Variants in SGCD observed in about 807,000 individuals in gnomAD.
SGCD encodes the protein sarcoglycan delta, also known as delta-sarcoglycan.
SGCD carries 18 observed loss-of-function variants against 36.6 expected under a neutral mutation model. The observed-to-expected ratio is 0.49, with a 90% CI of 0.34 to 0.73. The LOEUF is 0.73. Among genes scored for constraint, SGCD ranks in the 30% least tolerant of loss-of-function variants. The probability of loss-of-function intolerance (pLI) is 0.01; values close to 1 mark genes in which losing one functional copy is unlikely to be tolerated. For missense variants in SGCD, 387 were observed against 346.7 expected (o/e 1.12, Z -0.92); for synonymous variants, 133 against 130.6 (o/e 1.02, Z -0.12).
intron 3 of SGCD, among the ~76,000 whole-genome samples, chr5:156,216,192 T>A (rs541559022): frequency 6.6e-6 from 1 of 152,266 alleles, no homozygotes; most frequent in South Asian, 2.1e-4. Flanking sequence ...CGAGGAAATG[T>A]TGGTAAACTG....
At chr5:155,783,807 G>A in the SGCD span, among the ~76,000 whole-genome samples, 13 of 152,170 alleles carry the variant, frequency 8.5e-5, no homozygotes, top group African/African-American at 2.9e-4. Context: ...GTGGAAATGA[G>A]TATGTATTTT....
intron 3 of SGCD, chr5:156,393,871 T>A: frequency 2.2e-6 from 1 of 455,776 alleles, no homozygotes; most frequent in Non-Finnish European, 4.4e-6. Context: ...TGCTGGTGAG[T>A]TTTGTACTGT....
chr5:156,563,329 A>C (rs1264341742), intron 4 of SGCD, among the ~76,000 whole-genome samples: 1 of 152,118 alleles, frequency 6.6e-6, no homozygotes, highest in African/African-American at 2.4e-5. Context: ...CTAAGTACCC[A>C]TCACCCTCAT....
chr5:156,526,579 C>A (rs926926052), intron 4 of SGCD, among the ~76,000 whole-genome samples: 1 of 152,096 alleles, frequency 6.6e-6, no homozygotes, highest in Non-Finnish European at 1.5e-5. Flanking sequence ...GTGCATTAGG[C>A]CTCTTTGCGT....
At chr5:156,409,469 C>G (rs1342313314) in intron 3 of SGCD, among the ~76,000 whole-genome samples, 5 of 152,202 alleles carry the variant, frequency 3.3e-5, no homozygotes, top group African/African-American at 1.2e-4. Context: ...TAACCCATCA[C>G]TTTTATTTGC....
chr5:156,674,015 A>G (rs576996717), intron 7 of SGCD, among the ~76,000 whole-genome samples: 1 of 152,330 alleles, frequency 6.6e-6, no homozygotes, highest in South Asian at 2.1e-4. Context: ...TGAAAATGCC[A>G]TTCAGCCTTT....
chr5:155,868,993 G>A (rs10058373), upstream of SGCD, among the ~76,000 whole-genome samples: 25,815 of 152,086 alleles, frequency 0.17, 3,536 homozygotes, highest in African/African-American at 0.39. Context: ...CTAGGCTAGT[G>A]GTCTCAGTGA....
chr5:156,493,254 G>A (rs1346450954), intron 3 of SGCD, among the ~76,000 whole-genome samples: 7 of 152,152 alleles, frequency 4.6e-5, no homozygotes. Flanking sequence ...TTTTAAGGGT[G>A]AGAACACTTG....
At chr5:155,734,145 TTAA>T in the SGCD span, among the ~76,000 whole-genome samples, 4 of 147,642 alleles carry the variant, frequency 2.7e-5, no homozygotes, top group East Asian at 3.9e-4. Flanking sequence ...ATTATATTAA[TTAA>T]TAATGTTACT....
At chr5:156,692,319 C>T (rs945016716) in intron 7 of SGCD, among the ~76,000 whole-genome samples, 2 of 152,118 alleles carry the variant, frequency 1.3e-5, no homozygotes, top group South Asian at 4.1e-4. Flanking sequence ...TCGTGATTGA[C>T]TATTAATGTC....
intron 7 of SGCD, among the ~76,000 whole-genome samples, chr5:156,711,046 G>T (rs1754968299): frequency 1.3e-5 from 2 of 152,108 alleles, no homozygotes; most frequent in African/African-American, 4.8e-5. Flanking sequence ...GGGTCTGTTT[G>T]GTCAGTCTTA....
At chr5:156,107,474 A>G (rs1230341556) in intron 1 of SGCD, among the ~76,000 whole-genome samples, 3 of 152,158 alleles carry the variant, frequency 2.0e-5, no homozygotes, top group African/African-American at 4.8e-5. Context: ...TTCCAATTCA[A>G]TAATTCTGTA....
At chr5:156,176,344 G>A (rs1287984566) in intron 3 of SGCD, among the ~76,000 whole-genome samples, 1 of 152,248 alleles carries the variant, frequency 6.6e-6, no homozygotes, top group East Asian at 1.9e-4. Context: ...CGTTCAAATA[G>A]CAACGTACTA....
intron 4 of SGCD, among the ~76,000 whole-genome samples, chr5:156,556,120 G>GAA (rs34927078): frequency 0.05 from 6,760 of 134,218 alleles, 315 homozygotes; most frequent in African/African-American, 0.12. Flanking sequence ...ATACAGATAA[G>GAA]AAAAAAAAAA....
At chr5:156,050,846 T>C (rs1759897425) in intron 1 of SGCD, among the ~76,000 whole-genome samples, 1 of 146,602 alleles carries the variant, frequency 6.8e-6, no homozygotes, top group South Asian at 2.1e-4. Context: ...TATAACCTCT[T>C]TCTCACCATT....
chr5:156,710,459 G>A (rs557945793), intron 7 of SGCD, among the ~76,000 whole-genome samples: 2 of 152,208 alleles, frequency 1.3e-5, no homozygotes, highest in Non-Finnish European at 2.9e-5. Flanking sequence ...TGAGCCAAAT[G>A]TGAGGACTAT....
At chr5:156,260,015 G>A (rs1214965948) in intron 3 of SGCD, among the ~76,000 whole-genome samples, 4 of 152,184 alleles carry the variant, frequency 2.6e-5, no homozygotes, top group Non-Finnish European at 5.9e-5. Flanking sequence ...AACACAAAAT[G>A]AATTAAGACA....
intron 6 of SGCD, among the ~76,000 whole-genome samples, chr5:156,609,379 C>A (rs1206009780): frequency 3.9e-5 from 6 of 152,168 alleles, no homozygotes; most frequent in African/African-American, 1.4e-4. Flanking sequence ...GGCCCCCACT[C>A]TCTTCTGGCT....
intron 3 of SGCD, among the ~76,000 whole-genome samples, chr5:156,210,848 A>C (rs1291446227): frequency 2.0e-5 from 3 of 152,134 alleles, no homozygotes; most frequent in Admixed American, 6.5e-5. Flanking sequence ...TGCAAGTTAC[A>C]GGAGTTCCAG....
Sources: gnomAD v4.1 joint callset for allele counts (sites outside exome capture counted in the v4.1 genomes callset) on GRCh38, gnomAD v4.1.1 for gene constraint, MANE v1.5 for transcripts, NCBI Gene and HGNC (gene_info 2026-07-23, HGNC 2026-07-21) for gene names.